The following ITIH3 variants were observed in gnomAD, a reference collection of about 807,000 sequenced individuals.
ITIH3 encodes the protein inter-alpha-trypsin inhibitor heavy chain 3.
Under a neutral mutation model 96.5 loss-of-function variants are expected in ITIH3, and 81 were observed. The observed-to-expected ratio is 0.84, with a 90% CI of 0.70 to 1.01. The LOEUF is 1.01. Ranked by LOEUF, ITIH3 falls within the 50% of genes least tolerant of loss-of-function variation. The pLI is 0.00. For synonymous variants in ITIH3, 422 were observed against 445.2 expected, an observed-to-expected ratio of 0.95 and a Z score of 0.66; for missense variants, 1,057 against 1,139.3, an observed-to-expected ratio of 0.93 and a Z score of 1.04.
chr3:52,800,276 A>C (rs760256573), intron 9 of ITIH3: 4 of 555,326 alleles, frequency 7.2e-6, no homozygotes, highest in Non-Finnish European at 9.6e-6. Context: ...AGTCCATCCA[A>C]CTCTGCCAAA....
intron 6 of ITIH3, chr3:52,798,733 G>A (rs945534314): frequency 1.2e-4 from 68 of 550,768 alleles, no homozygotes; most frequent in African/African-American, 8.7e-4. Context: ...GGGGAAAAGC[G>A]GTGCTCAGAA....
At chr3:52,806,269 G>A in intron 17 of ITIH3, 24 bp from the exon 18 acceptor site, 2 of 1,609,164 alleles carry the variant, frequency 1.2e-6, no homozygotes, top group Non-Finnish European at 8.5e-7. Flanking sequence ...CCGGGAGTCA[G>A]CTCCTTCTCT....
Position 52,802,810 on chromosome 3 carries a change from A to G in ITIH3, c.1709+4A>G. 1 of 1,613,796 alleles carries G rather than the reference A, an allele frequency of 6.2e-7. No individual in the cohort carries two copies. The highest frequency in any genetic ancestry group is 2.2e-5 in the East Asian group (1 of 44,880). ...TTGAGCAGCTGCTGGAGAAGCGGTG[A>G]GCAGAGTCCCAGCCCCCACCTGTGC... On this transcript the variant is annotated splice_donor_region_variant and intron_variant, in intron 13 of 21. Coordinates refer to ENST00000449956, the MANE Select transcript of ITIH3 (RefSeq NM_002217.4).
intron 13 of ITIH3, among the ~76,000 whole-genome samples, chr3:52,803,306 AT>A (rs869140480): frequency 0.039 from 5,099 of 129,376 alleles, 281 homozygotes; most frequent in African/African-American, 0.15. Flanking sequence ...TTATTTATTT[AT>A]TTTATTTTAT....
intron 9 of ITIH3, 88 bp from the exon 10 acceptor site, chr3:52,800,450 C>A: frequency 6.7e-7 from 1 of 1,498,130 alleles, no homozygotes. Context: ...TGAGTGGGGC[C>A]GGCTGTCCCG....
At chr3:52,806,466 C>T in intron 18 of ITIH3, 60 bp downstream of exon 18, 1 of 1,292,200 alleles carries the variant, frequency 7.7e-7, no homozygotes. Flanking sequence ...CTTGGGTCCC[C>T]CGAGGTAGGC....
chr3:52,804,552 C>T lies in ITIH3; in HGVS notation c.1865-174C>T, dbSNP rs1423522527. The T allele has an allele frequency of 4.7e-6, 3 of 632,270 alleles. No homozygotes were observed. In the African/African-American group the frequency reaches 5.6e-5, roughly 12 times the overall value. The allele number at this position is 632,270 out of a possible 1,614,324, so 39.2% of individuals were successfully genotyped here. ...AAGAGCTGGGCCTGGCCAGGCCAGG[C>T]CTCTGGCTTCCAAGAACTCCTAGTT... is the stretch of plus-strand genomic sequence containing the variant. On this transcript the variant is annotated intron_variant, in intron 14 of 21. Transcript: ENST00000449956.
At chr3:52,799,621 C>G in intron 8 of ITIH3, 132 bp from the exon 9 acceptor site, 1 of 1,110,454 alleles carries the variant, frequency 9.0e-7, no homozygotes, top group Non-Finnish European at 1.3e-6. Flanking sequence ...GGCTCACGGC[C>G]TCTGCCCGCT....
chr3:52,807,011 C>T lies in ITIH3; in HGVS notation c.2167C>T (p.Gln723Ter). ...LGIANAQMDF[Q>*]VEVTTEKITL... is the part of the protein sequence containing the mutation. The stretch of plus-strand genomic sequence containing the variant: ...CATCGCCAATGCTCAGATGGACTTC[C>T]AGGTGGAGGTGACAACGGAGAAGAT... The change falls in exon 19 of 22, where the codon CAG becomes TAG. Residue 723 changes from glutamine (Q) to a stop codon, truncating the protein, a stop_gained. Coordinates refer to ENST00000449956, the MANE Select transcript of ITIH3 (RefSeq NM_002217.4). LOFTEE classifies it high-confidence loss of function. 1.2e-6 allele frequency: 2 copies of T among 1,601,118 alleles called. No homozygotes were observed. The highest frequency in any genetic ancestry group is 1.7e-6 in the Non-Finnish European group (2 of 1,174,008).
chr3:52,802,060 T>C (rs1414600384), intron 11 of ITIH3: 4 of 397,144 alleles, frequency 1.0e-5, no homozygotes, highest in South Asian at 9.0e-5. Context: ...TTAAATACTT[T>C]CTTTGTGCTA....
intron 6 of ITIH3, 107 bp downstream of exon 6, chr3:52,798,037 G>A: frequency 1.5e-6 from 1 of 688,390 alleles, no homozygotes; most frequent in South Asian, 1.8e-5. Context: ...TGCATGTGTT[G>A]GGGTGGGGCT....
intron 20 of ITIH3, 26 bp downstream of exon 20, chr3:52,807,942 G>C (rs751856470): frequency 6.2e-7 from 1 of 1,607,612 alleles, no homozygotes; most frequent in South Asian, 1.1e-5. Flanking sequence ...ACTGCAGGCT[G>C]TTCAGGCCTG....
In ITIH3 at chr3:52,801,158, CT is replaced by C; in HGVS notation, c.1383+14del. ...ATTTGCAGTTGCAGGTATGCCTTGT[CT>C]TGCACACTTCCGGGCATAAGGAGCT... On this transcript the variant is annotated intron_variant, in intron 11 of 21. Transcript: ENST00000449956. 1 of 1,554,140 alleles carries C rather than the reference CT, an allele frequency of 6.4e-7. No homozygotes were observed.
intron 2 of ITIH3, 58 bp downstream of exon 2, chr3:52,795,681 C>G: frequency 1.3e-6 from 2 of 1,532,278 alleles, no homozygotes; most frequent in Non-Finnish European, 1.8e-6. Flanking sequence ...GGAGCTGGTT[C>G]CCCAACTGCT....
intron 15 of ITIH3, chr3:52,805,038 C>A: frequency 2.8e-6 from 1 of 362,006 alleles, no homozygotes; most frequent in Non-Finnish European, 5.1e-6. Context: ...CCATAGCAAC[C>A]CTCCAAGAGG....
At chr3:52,802,896 C>T in intron 13 of ITIH3, 90 bp downstream of exon 13, 10 of 1,460,258 alleles carry the variant, frequency 6.8e-6, no homozygotes, top group Admixed American at 5.9e-5. Flanking sequence ...CGGTCCTGCC[C>T]TCTTCTTGGG....
chr3:52,806,512 TCATCTTCA>T, intron 18 of ITIH3, 106 bp downstream of exon 18: 1 of 827,352 alleles, frequency 1.2e-6, no homozygotes, highest in Non-Finnish European at 1.9e-6. Flanking sequence ...CAGTAAGGCA[TCATCTTCA>T]CATGCAAAGA....
chr3:52,801,168 TC>T, intron 11 of ITIH3, 22 bp downstream of exon 11: 1 of 1,532,634 alleles, frequency 6.5e-7, no homozygotes, highest in South Asian at 1.3e-5. Context: ...CTTGCACACT[TC>T]CGGGCATAAG....
intron 16 of ITIH3, 25 bp from the exon 17 acceptor site, chr3:52,806,078 G>A (rs1700032114): frequency 6.3e-7 from 1 of 1,592,122 alleles, no homozygotes; most frequent in African/African-American, 1.3e-5. Flanking sequence ...GCTTAGCTCA[G>A]CCCTCTCTCC....
Sources: gnomAD v4.1 joint callset for allele counts (sites outside exome capture counted in the v4.1 genomes callset) on GRCh38, gnomAD v4.1.1 for gene constraint, MANE v1.5 for transcripts, NCBI Gene and HGNC (gene_info 2026-07-23, HGNC 2026-07-21) for gene names.